The following CENPE variants were observed in gnomAD, a reference collection of about 807,000 sequenced individuals.
CENPE encodes centromere protein E.
Under a neutral mutation model 336.1 loss-of-function variants are expected in CENPE, and 145 were observed. The ratio of observed to expected loss-of-function variants is 0.43; its 90% CI spans 0.38 to 0.50. CENPE has a LOEUF of 0.50. Ranked by LOEUF, CENPE falls within the 20% of genes least tolerant of loss-of-function variation. The pLI is 0.00. For synonymous variants in CENPE, 1,013 were observed against 984.8 expected, an observed-to-expected ratio of 1.03 and a Z score of -0.54; for missense variants, 2,719 against 3,023.3, an observed-to-expected ratio of 0.90 and a Z score of 2.36.
chr4:103,128,779 A>C (rs1031846485), intron 42 of CENPE, among the ~76,000 whole-genome samples: 2 of 152,202 alleles, frequency 1.3e-5, no homozygotes, highest in Non-Finnish European at 1.5e-5. Context: ...AAAAGAGGAA[A>C]GACCTAAAAA....
intron 45 of CENPE, among the ~76,000 whole-genome samples, chr4:103,115,888 G>A (rs904480092): frequency 7.9e-5 from 12 of 151,864 alleles, no homozygotes; most frequent in African/African-American, 2.7e-4. Flanking sequence ...CTGCCACCAT[G>A]CCGGCTAATT....
chr4:103,138,516 G>A (rs971083701), intron 38 of CENPE, 67 bp from the exon 39 acceptor site: 21 of 967,448 alleles, frequency 2.2e-5, no homozygotes, highest in South Asian at 1.1e-4. Context: ...ATGTCTAATC[G>A]CACACTTCTA....
intron 26 of CENPE, 145 bp from the exon 27 acceptor site, chr4:103,149,553 G>A: frequency 2.8e-6 from 2 of 717,298 alleles, no homozygotes; most frequent in South Asian, 4.6e-5. Context: ...ATAAATGTCT[G>A]CAGTGGTTTG....
rs79642676 is a variant in CENPE at position 103,110,228 on chromosome 4, G to A, written c.7724+600C>T. ...GCAATAAAACGAGGTATGCCTGTTT[G>A]TTGGCTTCCTGATCAACCAACCCTC... is the stretch of plus-strand genomic sequence containing the variant. On this transcript the variant is annotated intron_variant, in intron 47 of 48. Transcript: ENST00000265148. 2.7e-4 allele frequency among the ~76,000 whole-genome samples: 41 copies of A among 152,276 alleles called. No individual in the cohort carries two copies. The East Asian group carries it at 6.6e-3, about 24-fold the overall frequency.
Position 103,110,811 on chromosome 4 carries a change from A to T in CENPE, c.7724+17T>A, listed in dbSNP as rs200749958. 408 of 1,561,210 alleles carry T rather than the reference A, an allele frequency of 2.6e-4. 1 individual carries two copies. The Middle Eastern group carries it at 3.5e-3, about 13-fold the overall frequency. ...TAGCCGTAAGCATAATATCCGTATCATGTAAGCAGATCTTACCTTAACAAT... is the reference window on the plus strand; with the variant it reads ...TAGCCGTAAGCATAATATCCGTATCTTGTAAGCAGATCTTACCTTAACAAT... On this transcript the variant is annotated intron_variant, in intron 47 of 48. Transcript: ENST00000265148.
intron 21 of CENPE, 68 bp downstream of exon 21, chr4:103,160,557 T>C (rs936821021): frequency 1.5e-6 from 2 of 1,334,328 alleles, no homozygotes; most frequent in Non-Finnish European, 2.1e-6. Context: ...TACCAAAATA[T>C]TTAAGGCACT....
chr4:103,161,925 A>G (rs796970461), intron 18 of CENPE, among the ~76,000 whole-genome samples: 2 of 152,172 alleles, frequency 1.3e-5, no homozygotes, highest in South Asian at 2.1e-4. Flanking sequence ...ATGCAAATGA[A>G]AAATACATGA....
intron 16 of CENPE, among the ~76,000 whole-genome samples, chr4:103,166,267 G>A (rs1413830553): frequency 6.6e-6 from 1 of 152,166 alleles, no homozygotes; most frequent in Non-Finnish European, 1.5e-5. Context: ...CTTGCCCAAG[G>A]CCTTGGCAAC....
chr4:103,132,389 C>T (rs1263159806), intron 42 of CENPE, among the ~76,000 whole-genome samples: 3 of 152,100 alleles, frequency 2.0e-5, no homozygotes, highest in African/African-American at 7.2e-5. Flanking sequence ...TCTAAGGCTA[C>T]TCGTGGAAAA....
intron 9 of CENPE, among the ~76,000 whole-genome samples, chr4:103,185,093 C>G (rs569608272): frequency 1.6e-4 from 25 of 152,084 alleles, no homozygotes; most frequent in Non-Finnish European, 3.4e-4. Context: ...TCACTTGAGG[C>G]CAAGAGTTGG....
At chr4:103,185,338 C>T (rs1756675340) in intron 9 of CENPE, among the ~76,000 whole-genome samples, 1 of 149,736 alleles carries the variant, frequency 6.7e-6, no homozygotes. Flanking sequence ...TTCTTTATAT[C>T]AGTCTTGTAC....
At chr4:103,131,204 CCA>C (rs1445238250) in intron 42 of CENPE, among the ~76,000 whole-genome samples, 3 of 151,972 alleles carry the variant, frequency 2.0e-5, no homozygotes, top group Non-Finnish European at 4.4e-5. Context: ...TGATAAAAGA[CCA>C]ATATTCAAAG....
chr4:103,173,421 G>A (rs1010162967), intron 16 of CENPE, among the ~76,000 whole-genome samples: 1 of 151,968 alleles, frequency 6.6e-6, no homozygotes, highest in African/African-American at 2.4e-5. Flanking sequence ...AAACAAGATA[G>A]TGGAAATGCT....
chr4:103,173,304 A>G (rs896308690), intron 16 of CENPE, among the ~76,000 whole-genome samples: 3 of 152,016 alleles, frequency 2.0e-5, no homozygotes, highest in Non-Finnish European at 2.9e-5. Flanking sequence ...ATGAATATCT[A>G]TATGTTGAAG....
At chr4:103,158,958 CA>C in intron 22 of CENPE, 51 bp downstream of exon 22, 1 of 1,536,614 alleles carries the variant, frequency 6.5e-7, no homozygotes, top group Non-Finnish European at 8.7e-7. Flanking sequence ...ATACAGAAAC[CA>C]AAACCCCAGA....
chr4:103,187,882 G>C (rs1338780509), intron 8 of CENPE, among the ~76,000 whole-genome samples: 1 of 152,154 alleles, frequency 6.6e-6, no homozygotes, highest in Non-Finnish European at 1.5e-5. Context: ...CCATCAGTGT[G>C]CTGTATTCAG....
chr4:103,189,364 C>G (rs1219771706), intron 8 of CENPE, among the ~76,000 whole-genome samples: 1 of 152,122 alleles, frequency 6.6e-6, no homozygotes, highest in Non-Finnish European at 1.5e-5. Flanking sequence ...ACCAATACCC[C>G]TGATGAACAT....
chr4:103,124,483 T>C (rs995217627), intron 42 of CENPE, among the ~76,000 whole-genome samples: 2 of 152,256 alleles, frequency 1.3e-5, no homozygotes, highest in Admixed American at 6.5e-5. Flanking sequence ...CTATGGCTGA[T>C]AATGAAACAT....
chr4:103,196,702 T>C, intron 2 of CENPE, 57 bp downstream of exon 2: 1 of 824,522 alleles, frequency 1.2e-6, no homozygotes, highest in Non-Finnish European at 2.0e-6. Context: ...ATAAGCCTTT[T>C]GTACTTTTAA....
Sources: allele counts gnomAD v4.1 joint callset (sites outside exome capture counted in the v4.1 genomes callset), GRCh38; gene constraint gnomAD v4.1.1; transcripts MANE v1.5; gene names NCBI Gene and HGNC (gene_info 2026-07-23, HGNC 2026-07-21).